RANBP17: variants seen among roughly 807,000 people sequenced by gnomAD.
RANBP17 encodes the protein RAN binding protein 17.
Under a neutral mutation model 141.2 loss-of-function variants are expected in RANBP17, and 158 were observed. That is an observed-to-expected ratio of 1.12 (90% CI 0.98 to 1.28). The LOEUF is 1.28. Among genes scored for constraint, RANBP17 ranks in the 50% most tolerant of loss-of-function variants. The probability of loss-of-function intolerance (pLI) is 0.00; values close to 1 mark genes in which losing one functional copy is unlikely to be tolerated. For missense variants in RANBP17, 1,438 were observed against 1,290.7 expected (o/e 1.11, Z -1.75); for synonymous variants, 430 against 450.0 (o/e 0.96, Z 0.56).
intron 14 of RANBP17, among the ~76,000 whole-genome samples, chr5:171,150,529 A>G (rs1310833029): frequency 6.6e-6 from 1 of 152,100 alleles, no homozygotes; most frequent in African/African-American, 2.4e-5. Flanking sequence ...CAATAAAAAT[A>G]TATAGTATTT....
intron 14 of RANBP17, among the ~76,000 whole-genome samples, chr5:170,981,239 A>G (rs1034783368): frequency 7.2e-6 from 1 of 139,328 alleles, no homozygotes; most frequent in Non-Finnish European, 1.6e-5. Context: ...GCCTTATCTC[A>G]GATGAGACTA....
chr5:171,152,233 T>C (rs2127834661), intron 14 of RANBP17, among the ~76,000 whole-genome samples: 1 of 150,308 alleles, frequency 6.7e-6, no homozygotes, highest in Admixed American at 6.6e-5. Context: ...GCCAACATGG[T>C]GAAACTTCAT....
chr5:170,981,556 G>T (rs571355450), intron 14 of RANBP17, among the ~76,000 whole-genome samples: 6 of 151,880 alleles, frequency 4.0e-5, no homozygotes, highest in African/African-American at 9.6e-5. Context: ...TCCTGCACAG[G>T]CTCTCATTTT....
chr5:171,131,871 G>A (rs1049995003), intron 14 of RANBP17, among the ~76,000 whole-genome samples: 3 of 152,132 alleles, frequency 2.0e-5, no homozygotes, highest in Non-Finnish European at 4.4e-5. Flanking sequence ...TTTGGCTAAT[G>A]CTTTCTCATT....
intron 6 of RANBP17, chr5:170,910,759 C>T (rs10069065): frequency 0.67 from 335,358 of 498,932 alleles, 116,825 homozygotes; most frequent in South Asian, 0.9. Flanking sequence ...GTTCTGATTG[C>T]CTTTATTAGC....
At chr5:170,863,043 G>A (rs1766951722) in intron 1 of RANBP17, among the ~76,000 whole-genome samples, 1 of 152,136 alleles carries the variant, frequency 6.6e-6, no homozygotes, top group Admixed American at 6.5e-5. Context: ...TAATTATTGA[G>A]CGCCTACTAT....
Position 171,020,149 on chromosome 5 carries a change from C to T in RANBP17, c.1710+51772C>T, listed in dbSNP as rs368494214. On this transcript the variant is annotated intron_variant, in intron 14 of 27. Coordinates refer to ENST00000523189, the MANE Select transcript of RANBP17 (RefSeq NM_022897.5). ...TGGCCTGAGAGACTGTTATGATTTC[C>T]GTTCTTTTGCATTTGCTGAGGAGTG... Among the ~76,000 whole-genome samples the T allele has an allele frequency of 1.3e-3, 202 of 151,864 alleles. 1 individual carries two copies. Among genetic ancestry groups the T allele is most frequent in the African/African-American group, 4.7e-3 (194 of 41,448 alleles).
At chr5:171,032,097 C>T (rs1781583408) in intron 14 of RANBP17, among the ~76,000 whole-genome samples, 1 of 152,092 alleles carries the variant, frequency 6.6e-6, no homozygotes, top group African/African-American at 2.4e-5. Context: ...CTCTTGCAGA[C>T]CTTCCTGCAG....
chr5:170,928,679 C>CTA (rs1173388933), intron 12 of RANBP17, among the ~76,000 whole-genome samples: 2 of 151,848 alleles, frequency 1.3e-5, no homozygotes, highest in Non-Finnish European at 2.9e-5. Context: ...TACCACTGAT[C>CTA]TATATATGTT....
chr5:170,966,633 C>G (rs1267736716), intron 13 of RANBP17, among the ~76,000 whole-genome samples: 1 of 151,828 alleles, frequency 6.6e-6, no homozygotes, highest in Non-Finnish European at 1.5e-5. Flanking sequence ...AAAACTGGCA[C>G]AAGACAGGGA....
At chr5:170,909,578 CTTTTTTTTT>C in intron 5 of RANBP17, 74 bp from the exon 6 acceptor site, 1 of 240,064 alleles carries the variant, frequency 4.2e-6, no homozygotes, top group Non-Finnish European at 7.3e-6. Flanking sequence ...AGTTTATTTC[CTTTTTTTTT>C]TTTTTTTTTT....
chr5:171,264,525 C>CA (rs1193461518), intron 24 of RANBP17, among the ~76,000 whole-genome samples: 1 of 152,174 alleles, frequency 6.6e-6, no homozygotes, highest in Non-Finnish European at 1.5e-5. Context: ...CCCTAAAACT[C>CA]AGTGTCCTCA....
chr5:170,975,415 A>G (rs1438435987), intron 14 of RANBP17, among the ~76,000 whole-genome samples: 1 of 152,096 alleles, frequency 6.6e-6, no homozygotes, highest in Non-Finnish European at 1.5e-5. Flanking sequence ...TGTAATCTCA[A>G]CTACTCTGGA....
chr5:170,915,849 A>AT lies in RANBP17; in HGVS notation c.835-614dup, dbSNP rs561513927. Among the ~76,000 whole-genome samples the AT allele has an allele frequency of 3.6e-4, 55 of 152,184 alleles. 1 individual carries two copies. The South Asian group carries it at 0.011, about 30-fold the overall frequency. ...TTCTTTTTGGTAGAAAACCTGATTC[A>AT]TTAGAAAATGGAACTAGATATCATA... On this transcript the variant is annotated intron_variant, in intron 8 of 27. Transcript: ENST00000523189.
chr5:170,963,548 G>C (rs1044141178), intron 13 of RANBP17, among the ~76,000 whole-genome samples: 1 of 152,226 alleles, frequency 6.6e-6, no homozygotes, highest in Non-Finnish European at 1.5e-5. Flanking sequence ...GACCGGGGCA[G>C]GGGATGGTTT....
chr5:170,971,931 C>T (rs1777017970), intron 14 of RANBP17, among the ~76,000 whole-genome samples: 1 of 152,124 alleles, frequency 6.6e-6, no homozygotes, highest in African/African-American at 2.4e-5. Flanking sequence ...ATATGCCCAT[C>T]ATTCAGTTTT....
At chr5:170,908,303 T>C (rs1019546640) in intron 5 of RANBP17, among the ~76,000 whole-genome samples, 2 of 151,658 alleles carry the variant, frequency 1.3e-5, no homozygotes, top group African/African-American at 2.4e-5. Flanking sequence ...ATAAAGAAAA[T>C]ACACGTATAC....
chr5:171,101,701 C>G (rs1787179033), intron 14 of RANBP17, among the ~76,000 whole-genome samples: 1 of 152,152 alleles, frequency 6.6e-6, no homozygotes, highest in South Asian at 2.1e-4. Context: ...GTGGTCTTTA[C>G]ATTTTGATTT....
chr5:171,183,016 C>T, intron 16 of RANBP17, 151 bp from the exon 17 acceptor site: 2 of 543,412 alleles, frequency 3.7e-6, no homozygotes, highest in Non-Finnish European at 6.6e-6. Flanking sequence ...TCATTCTTAA[C>T]AGAAGGAAAG....
Sources: allele counts gnomAD v4.1 joint callset (sites outside exome capture counted in the v4.1 genomes callset), GRCh38; gene constraint gnomAD v4.1.1; transcripts MANE v1.5; gene names NCBI Gene and HGNC (gene_info 2026-07-23, HGNC 2026-07-21).